RAD23B: variants seen among roughly 807,000 people sequenced by gnomAD.
The protein encoded by RAD23B is lysine-specific demethylase RAD23B.
RAD23B carries 5 observed loss-of-function variants against 49.1 expected under a neutral mutation model. The ratio of observed to expected loss-of-function variants is 0.10; its 90% CI spans 0.05 to 0.21. The LOEUF (loss-of-function observed/expected upper bound fraction) is 0.21. Ranked by LOEUF, RAD23B falls within the 10% of genes least tolerant of loss-of-function variation. The pLI is 1.00. For synonymous variants in RAD23B, 184 were observed against 165.4 expected, an observed-to-expected ratio of 1.11 and a Z score of -0.86; for missense variants, 356 against 486.7, an observed-to-expected ratio of 0.73 and a Z score of 2.53.
At position 107,331,424 on chromosome 9, in the gene RAD23B, A is replaced by C; in HGVS notation, c.*1768A>C. On this transcript the variant is annotated 3_prime_UTR_variant, in exon 10 of 10. Coordinates refer to ENST00000358015, the MANE Select transcript of RAD23B (RefSeq NM_002874.5). ...AGGCTGAGGCATGAGAATTGCTTGA[A>C]CCCGGGAAGTGAAGGTTGCCGTGAG... The C allele has an allele frequency of 2.7e-5, 10 of 366,754 alleles. No homozygotes were observed. The highest frequency in any genetic ancestry group is 4.6e-5 in the East Asian group (1 of 21,770). The allele number at this position is 366,754 out of a possible 1,614,324, so 22.7% of individuals were successfully genotyped here. A position where few individuals can be genotyped will look rare whatever the true frequency, so the allele number is the denominator to read the frequency against.
chr9:107,301,218 C>T (rs1267927718), intron 2 of RAD23B, among the ~76,000 whole-genome samples: 1 of 152,106 alleles, frequency 6.6e-6, no homozygotes, highest in East Asian at 1.9e-4. Context: ...TGTATCATGT[C>T]GTTTTCTGAA....
chr9:107,314,005 T>C (rs897657952), intron 5 of RAD23B, among the ~76,000 whole-genome samples: 3 of 152,026 alleles, frequency 2.0e-5, no homozygotes, highest in African/African-American at 7.3e-5. Context: ...TTTCTTAAAG[T>C]CTCTGGAATA....
At chr9:107,309,135 A>G (rs921000897) in intron 4 of RAD23B, among the ~76,000 whole-genome samples, 13 of 152,320 alleles carry the variant, frequency 8.5e-5, no homozygotes, top group Non-Finnish European at 1.3e-4. Context: ...AAAGTGTGGT[A>G]GTCAATAGGC....
At chr9:107,299,857 C>T (rs1476584903) in intron 1 of RAD23B, among the ~76,000 whole-genome samples, 2 of 152,116 alleles carry the variant, frequency 1.3e-5, no homozygotes, top group East Asian at 3.8e-4. Context: ...AGTATATAAA[C>T]CAAAACTTTG....
chr9:107,288,875 A>ATGGGTAAGAGATAAGGGTGAGT (rs1414765279), intron 1 of RAD23B, among the ~76,000 whole-genome samples: 3 of 152,162 alleles, frequency 2.0e-5, no homozygotes, highest in Non-Finnish European at 4.4e-5. Context: ...TGCTAAGGTG[A>ATGGGTAAGAGATAAGGGTGAGT]TGGGTAAGAG....
chr9:107,326,565 G>A (rs1261886794), intron 9 of RAD23B, among the ~76,000 whole-genome samples: 1 of 151,218 alleles, frequency 6.6e-6, no homozygotes, highest in Non-Finnish European at 1.5e-5. Flanking sequence ...GCTTTTTTTG[G>A]GGGGAAGTTT....
chr9:107,313,531 T>A (rs905622724), intron 5 of RAD23B, among the ~76,000 whole-genome samples: 5 of 152,192 alleles, frequency 3.3e-5, no homozygotes, highest in African/African-American at 1.2e-4. Flanking sequence ...GCCAGTTAAT[T>A]CGTTTTATTT....
intron 3 of RAD23B, among the ~76,000 whole-genome samples, chr9:107,305,138 T>C (rs1221471932): frequency 6.7e-6 from 1 of 149,684 alleles, no homozygotes; most frequent in Non-Finnish European, 1.5e-5. Flanking sequence ...AAAAAAAAAA[T>C]ACAAAAATTT....
chr9:107,283,804 G>T, intron 1 of RAD23B, 109 bp downstream of exon 1: 1 of 1,066,652 alleles, frequency 9.4e-7, no homozygotes, highest in Non-Finnish European at 1.2e-6. Context: ...CGGAGGGCGC[G>T]ATGAGGGCCC....
In RAD23B at chr9:107,324,005, T is replaced by C. The variant is rs750993865; in HGVS notation, c.933T>C (p.Pro311=). The C allele has an allele frequency of 6.2e-7, 1 of 1,613,500 alleles. No individual in the cohort carries two copies. The highest frequency in any genetic ancestry group is 1.1e-5 in the South Asian group (1 of 91,062). The change falls in exon 8 of 10, where the codon CCT becomes CCC. Residue 311 remains proline (P), a synonymous_variant. Coordinates refer to ENST00000358015, the MANE Select transcript of RAD23B (RefSeq NM_002874.5). ...ALLQQIGREN[P]QLLQQISQHQ... The stretch of plus-strand genomic sequence containing the variant: ...TACAGCAGATAGGTCGAGAGAATCC[T>C]CAATTACTTCAGGTGACTAATCAGT...
chr9:107,311,733 A>C lies in RAD23B; in HGVS notation c.549A>C (p.Ala183=). Residue 183 remains alanine (A), a synonymous_variant, in exon 5 of 10, where the codon GCA becomes GCC. Transcript: ENST00000358015. The part of the protein sequence containing the change: ...RSNLFEDATS[A]LVTGQSYENM... ...ACCTTTTTGAAGATGCAACGAGTGCACTTGGTAAGTATCTGCTTTTCCTTA... is the reference window on the plus strand; with the variant it reads ...ACCTTTTTGAAGATGCAACGAGTGCCCTTGGTAAGTATCTGCTTTTCCTTA... The C allele has an allele frequency of 6.4e-7, 1 of 1,570,370 alleles. No homozygotes were observed. Among genetic ancestry groups the C allele is most frequent in the Non-Finnish European group, 8.6e-7 (1 of 1,165,988 alleles).
intron 9 of RAD23B, among the ~76,000 whole-genome samples, chr9:107,325,567 A>G (rs181975514): frequency 6.6e-6 from 1 of 152,230 alleles, no homozygotes; most frequent in African/African-American, 2.4e-5. Context: ...ATATAAAAAT[A>G]CAATTTAATT....
intron 3 of RAD23B, 79 bp downstream of exon 3, chr9:107,302,193 A>C: frequency 6.3e-7 from 1 of 1,593,282 alleles, no homozygotes; most frequent in Non-Finnish European, 8.5e-7. Flanking sequence ...CACACAATGG[A>C]CACAGTTTAT....
At chr9:107,304,739 G>A (rs893195795) in intron 3 of RAD23B, among the ~76,000 whole-genome samples, 2 of 152,134 alleles carry the variant, frequency 1.3e-5, no homozygotes, top group Non-Finnish European at 2.9e-5. Flanking sequence ...AGCATTGAGA[G>A]GCCTTAGGAG....
In RAD23B at chr9:107,331,689, C is replaced by CG; in HGVS notation, c.*2033_*2034insG. 1 of 656,900 alleles carries CG rather than the reference C, an allele frequency of 1.5e-6. No individual in the cohort carries two copies. Among genetic ancestry groups the CG allele is most frequent in the East Asian group, 2.9e-5 (1 of 34,260 alleles). The allele number at this position is 656,900 out of a possible 1,614,324, so 40.7% of individuals were successfully genotyped here. On this transcript the variant is annotated 3_prime_UTR_variant, in exon 10 of 10. Coordinates refer to ENST00000358015, the MANE Select transcript of RAD23B (RefSeq NM_002874.5). Reference sequence around the variant, plus strand: ...CTCAGATCATAGTGAAAACTGGAAACAAAAAAAAAAAACAGCCTCTTCTTG... The same window carrying CG: ...CTCAGATCATAGTGAAAACTGGAAACGAAAAAAAAAAAACAGCCTCTTCTTG...
intron 5 of RAD23B, among the ~76,000 whole-genome samples, chr9:107,312,662 A>G (rs909846107): frequency 3.9e-5 from 6 of 152,060 alleles, no homozygotes; most frequent in East Asian, 1.9e-4. Flanking sequence ...TATCAAATAC[A>G]GTGTGAGTTA....
Position 107,306,564 on chromosome 9 carries a change from A to G in RAD23B, c.414A>G (p.Ala138=), listed in dbSNP as rs7041239. 7.4e-6 allele frequency: 12 copies of G among 1,614,006 alleles called. No homozygotes were observed. The African/African-American group carries it at 1.6e-4, about 22-fold the overall frequency. The change falls in exon 4 of 10, where the codon GCA becomes GCG. Residue 138 remains alanine (A), a synonymous_variant. Transcript: ENST00000358015. ...PASATASSEP[A]PASAAKQEKP... is the part of the protein sequence containing the mutation. ...CAGCGACAGCATCTTCTGAACCTGC[A>G]CCTGCTAGTGCAGCTAAACAAGAGA...
intron 1 of RAD23B, among the ~76,000 whole-genome samples, chr9:107,297,548 C>G (rs1055354868): frequency 6.6e-6 from 1 of 152,158 alleles, no homozygotes; most frequent in African/African-American, 2.4e-5. Context: ...ACCATGTTGG[C>G]CAGGCTGGTC....
intron 1 of RAD23B, among the ~76,000 whole-genome samples, chr9:107,299,708 G>C (rs182211073): frequency 2.0e-5 from 3 of 152,144 alleles, no homozygotes; most frequent in African/African-American, 7.2e-5. Flanking sequence ...CACTTAAAAT[G>C]AATCATTTGC....
Sources: gnomAD v4.1 joint callset for allele counts (sites outside exome capture counted in the v4.1 genomes callset) on GRCh38, gnomAD v4.1.1 for gene constraint, MANE v1.5 for transcripts, NCBI Gene and HGNC (gene_info 2026-07-23, HGNC 2026-07-21) for gene names.